The following ZFP2 variants were observed in gnomAD, a reference collection of about 807,000 sequenced individuals.
The protein encoded by ZFP2 is zinc finger protein ZFP2.
A neutral mutation model predicts 36.1 loss-of-function variants in ZFP2; 33 were observed. The observed-to-expected ratio is 0.92, with a 90% CI of 0.69 to 1.22. The LOEUF (loss-of-function observed/expected upper bound fraction) is 1.22, where lower values mean the gene tolerates loss of function less well. Among genes scored for constraint, ZFP2 ranks in the 50% most tolerant of loss-of-function variants. ZFP2 has a pLI of 0.00. For missense variants in ZFP2, 522 were observed against 551.4 expected (o/e 0.95, Z 0.53); for synonymous variants, 170 against 178.0 (o/e 0.96, Z 0.36).
intron 4 of ZFP2, among the ~76,000 whole-genome samples, chr5:178,917,555 C>G (rs1022612971): frequency 3.3e-5 from 5 of 151,424 alleles, no homozygotes; most frequent in African/African-American, 1.2e-4. Flanking sequence ...GTGGAAGTTG[C>G]AGTAAGCCGA....
intron 4 of ZFP2, among the ~76,000 whole-genome samples, chr5:178,925,003 T>C (rs901977387): frequency 3.4e-5 from 5 of 147,524 alleles, no homozygotes; most frequent in Non-Finnish European, 7.6e-5. Flanking sequence ...TATTCTGACT[T>C]CTGTGATACC....
chr5:178,927,168 T>G (rs1758692382), intron 4 of ZFP2, among the ~76,000 whole-genome samples: 2 of 152,174 alleles, frequency 1.3e-5, no homozygotes, highest in South Asian at 4.1e-4. Flanking sequence ...AAGGTCCTTT[T>G]CCAGCCTCCT....
chr5:178,908,416 C>T (rs1355736753), intron 1 of ZFP2, among the ~76,000 whole-genome samples: 1 of 150,342 alleles, frequency 6.7e-6, no homozygotes, highest in African/African-American at 2.5e-5. Context: ...CACTGCACTC[C>T]AGCCTGGGTG....
At chr5:178,902,414 GTCCTT>G (rs1758078598) in intron 1 of ZFP2, among the ~76,000 whole-genome samples, 1 of 152,156 alleles carries the variant, frequency 6.6e-6, no homozygotes, top group African/African-American at 2.4e-5. Context: ...TCCTACAACT[GTCCTT>G]TATCTGGTGC....
chr5:178,909,898 A>G, intron 1 of ZFP2: 1 of 1,540,636 alleles, frequency 6.5e-7, no homozygotes, highest in Non-Finnish European at 8.9e-7. Flanking sequence ...ATGTTCCAAG[A>G]GTCCCGGGAG....
chr5:178,929,622 G>A (rs929207865), intron 4 of ZFP2, among the ~76,000 whole-genome samples: 3 of 152,132 alleles, frequency 2.0e-5, no homozygotes, highest in African/African-American at 7.2e-5. Context: ...AGACTTCACT[G>A]TCCATATCAC....
At chr5:178,924,192 T>G (rs2113113259) in intron 4 of ZFP2, among the ~76,000 whole-genome samples, 1 of 148,082 alleles carries the variant, frequency 6.8e-6, no homozygotes, top group Non-Finnish European at 1.5e-5. Flanking sequence ...GCTAACACGG[T>G]GAAACCCCGT....
rs1290442660 is a variant in ZFP2 at position 178,910,552 on chromosome 5, C to A, written c.-449-2032C>A. Reference sequence around the variant, plus strand: ...TCTTGCTGGGGTCATGGTCTGCATTCTTGCTGCCCAGGGTCAATGAGGGAT... The same window carrying A: ...TCTTGCTGGGGTCATGGTCTGCATTATTGCTGCCCAGGGTCAATGAGGGAT... On this transcript the variant is annotated intron_variant, in intron 1 of 4. Coordinates refer to ENST00000361362, the MANE Select transcript of ZFP2 (RefSeq NM_030613.4). 9 of 518,374 alleles carry A rather than the reference C, an allele frequency of 1.7e-5. 1 individual carries two copies. Among genetic ancestry groups the A allele is most frequent in the East Asian group, 8.3e-5 (2 of 24,140 alleles). 32.1% of individuals were successfully genotyped at this position (518,374 alleles called of 1,614,324 possible). A position where few individuals can be genotyped will look rare whatever the true frequency, so the allele number is the denominator to read the frequency against.
Position 178,932,550 on chromosome 5 carries a change from G to C in ZFP2, c.1237G>C (p.Asp413His), listed in dbSNP as rs772891614. 2 of 1,613,656 alleles carry C rather than the reference G, an allele frequency of 1.2e-6. No individual in the cohort carries two copies. The highest frequency in any genetic ancestry group is 1.7e-6 in the Non-Finnish European group (2 of 1,179,924). ...TACTGGTGAGAAACCCTATGAATGT[G>C]ATCAGTGTGGAAAAGCCTTCATTAA... The part of the protein sequence containing the change: ...IHTGEKPYEC[D>H]QCGKAFIKNS... Residue 413 changes from aspartate (D) to histidine (H), a missense_variant, in exon 5 of 5, where the codon GAT becomes CAT. Coordinates refer to ENST00000361362, the MANE Select transcript of ZFP2 (RefSeq NM_030613.4).
chr5:178,899,488 G>C (rs191756799), intron 1 of ZFP2, among the ~76,000 whole-genome samples: 2 of 152,078 alleles, frequency 1.3e-5, no homozygotes, highest in African/African-American at 4.8e-5. Context: ...TGGACTGAAG[G>C]GGGCAGTGAC....
chr5:178,910,939 GGGAA>G (rs1758285425), intron 1 of ZFP2, among the ~76,000 whole-genome samples: 1 of 152,126 alleles, frequency 6.6e-6, no homozygotes, highest in South Asian at 2.1e-4. Context: ...CCTTTTAATA[GGGAA>G]AGCGAACCAT....
At chr5:178,927,126 G>A (rs1213954684) in intron 4 of ZFP2, among the ~76,000 whole-genome samples, 1 of 152,114 alleles carries the variant, frequency 6.6e-6, no homozygotes, top group Non-Finnish European at 1.5e-5. Flanking sequence ...ATAAGAAATA[G>A]GATCTAAGAA....
chr5:178,903,972 AGAGT>A (rs377585003), intron 1 of ZFP2, among the ~76,000 whole-genome samples: 33 of 152,300 alleles, frequency 2.2e-4, no homozygotes, highest in Middle Eastern at 3.4e-3. Flanking sequence ...GCCCGGCAAC[AGAGT>A]GAGACTCCAT....
chr5:178,910,002 G>T (rs1581832356), intron 1 of ZFP2: 2 of 1,419,708 alleles, frequency 1.4e-6, no homozygotes, highest in South Asian at 1.1e-5. Context: ...TTTCCATAGG[G>T]TGATGGCTAT....
intron 1 of ZFP2, among the ~76,000 whole-genome samples, chr5:178,908,580 C>A (rs1758220089): frequency 6.7e-6 from 1 of 149,754 alleles, no homozygotes; most frequent in Admixed American, 6.7e-5. Flanking sequence ...TTCACCCTAA[C>A]CATCCCATCC....
chr5:178,902,733 A>T (rs1758085740), intron 1 of ZFP2, among the ~76,000 whole-genome samples: 1 of 151,680 alleles, frequency 6.6e-6, no homozygotes, highest in Non-Finnish European at 1.5e-5. Flanking sequence ...CTCTTCTCAT[A>T]AAAAGGTAAT....
intron 1 of ZFP2, among the ~76,000 whole-genome samples, chr5:178,906,872 T>G (rs1246109334): frequency 6.6e-6 from 1 of 151,874 alleles, no homozygotes; most frequent in Non-Finnish European, 1.5e-5. Context: ...TTTTGTCTTT[T>G]TTTTTTTTTA....
At chr5:178,931,022 C>T (rs1445083272) in intron 4 of ZFP2, among the ~76,000 whole-genome samples, 2 of 152,218 alleles carry the variant, frequency 1.3e-5, no homozygotes, top group African/African-American at 2.4e-5. Context: ...CCATCCCCTG[C>T]TTTCAGTTCC....
At chr5:178,914,677 G>A (rs934102979) in intron 3 of ZFP2, among the ~76,000 whole-genome samples, 3 of 152,246 alleles carry the variant, frequency 2.0e-5, no homozygotes, top group Non-Finnish European at 4.4e-5. Context: ...AGAAGGGAAA[G>A]GAAAGGAGGC....
Sources: allele counts gnomAD v4.1 joint callset (sites outside exome capture counted in the v4.1 genomes callset), GRCh38; gene constraint gnomAD v4.1.1; transcripts MANE v1.5; gene names NCBI Gene and HGNC (gene_info 2026-07-23, HGNC 2026-07-21).